Variants in CUL5 observed in about 807,000 individuals in gnomAD.
CUL5 encodes the protein cullin 5.
CUL5 carries 26 observed loss-of-function variants against 108.8 expected under a neutral mutation model. That is an observed-to-expected ratio of 0.24 (90% CI 0.18 to 0.33). The LOEUF is 0.33. Among genes scored for constraint, CUL5 ranks in the 10% least tolerant of loss-of-function variants. The probability of loss-of-function intolerance (pLI) is 1.00; values close to 1 mark genes in which losing one functional copy is unlikely to be tolerated. For synonymous variants in CUL5, 334 were observed against 298.0 expected (o/e 1.12, Z -1.25); for missense variants, 524 against 909.2 (o/e 0.58, Z 5.45).
intron 7 of CUL5, among the ~76,000 whole-genome samples, chr11:108,062,604 T>C (rs1863567169): frequency 6.6e-6 from 1 of 150,926 alleles, no homozygotes; most frequent in Non-Finnish European, 1.5e-5. Flanking sequence ...CATACATACA[T>C]GGTGTATGTA....
intron 1 of CUL5, among the ~76,000 whole-genome samples, chr11:108,021,978 CTATCTATCTG>C (rs1862337268): frequency 6.6e-6 from 1 of 152,064 alleles, no homozygotes; most frequent in South Asian, 2.1e-4. Flanking sequence ...CCATGCCCAT[CTATCTATCTG>C]TATCTATCTA....
chr11:108,098,567 A>T (rs763933138), intron 18 of CUL5, 38 bp downstream of exon 18: 1 of 1,415,698 alleles, frequency 7.1e-7, no homozygotes, highest in Middle Eastern at 1.9e-4. Flanking sequence ...GTTTAAAAAA[A>T]CTTTAGTTTT....
chr11:108,094,006 A>G (rs1864425379), intron 13 of CUL5, among the ~76,000 whole-genome samples: 1 of 152,240 alleles, frequency 6.6e-6, no homozygotes. Flanking sequence ...AGATTTTGAA[A>G]GAAGTATTGT....
At chr11:108,011,628 A>AT (rs1282039694) in intron 1 of CUL5, among the ~76,000 whole-genome samples, 3,558 of 145,698 alleles carry the variant, frequency 0.024, 143 homozygotes, top group African/African-American at 0.077. Flanking sequence ...TTTCTTTTTA[A>AT]TTTTTTTTTT....
At chr11:108,083,882 C>G (rs1286530416) in intron 11 of CUL5, among the ~76,000 whole-genome samples, 1 of 152,186 alleles carries the variant, frequency 6.6e-6, no homozygotes, top group Non-Finnish European at 1.5e-5. Context: ...TGTTCTAGAA[C>G]AAGCTTGTCC....
At chr11:108,049,808 A>T in intron 3 of CUL5, 82 bp from the exon 4 acceptor site, 4 of 1,066,878 alleles carry the variant, frequency 3.7e-6, no homozygotes, top group Non-Finnish European at 5.5e-6. Context: ...AATTATGTAC[A>T]ATTTAAATTT....
intron 10 of CUL5, among the ~76,000 whole-genome samples, chr11:108,076,399 T>C (rs1863941331): frequency 6.6e-6 from 1 of 152,204 alleles, no homozygotes; most frequent in South Asian, 2.1e-4. Flanking sequence ...TTCCATCTTG[T>C]GTGTCTGCTA....
chr11:108,060,667 T>C (rs1245683716), intron 7 of CUL5, among the ~76,000 whole-genome samples: 1 of 151,998 alleles, frequency 6.6e-6, no homozygotes, highest in Non-Finnish European at 1.5e-5. Context: ...AAAGCCCTGT[T>C]TCTACTAAAA....
At chr11:108,048,142 A>AT (rs1863112081) in intron 3 of CUL5, among the ~76,000 whole-genome samples, 1 of 149,832 alleles carries the variant, frequency 6.7e-6, no homozygotes, top group Non-Finnish European at 1.5e-5. Flanking sequence ...TTCATGAATC[A>AT]TTTTACTTAG....
chr11:108,023,458 C>T (rs148761181), intron 1 of CUL5, among the ~76,000 whole-genome samples: 27 of 151,824 alleles, frequency 1.8e-4, no homozygotes, highest in African/African-American at 5.8e-4. Flanking sequence ...TTTTTAAAAA[C>T]GAAAACAAAA....
At chr11:108,058,773 T>C (rs1863463908) in intron 7 of CUL5, among the ~76,000 whole-genome samples, 1 of 152,132 alleles carries the variant, frequency 6.6e-6, no homozygotes, top group South Asian at 2.1e-4. Context: ...TACAGTTTTA[T>C]TTTTACTTAT....
chr11:108,098,057 CGTTTTT>C (rs377067253), intron 17 of CUL5, among the ~76,000 whole-genome samples: 172 of 151,938 alleles, frequency 1.1e-3, no homozygotes, highest in African/African-American at 3.7e-3. Context: ...TGTTTTGTTT[CGTTTTT>C]GTTTTTGTTT....
At position 108,069,965 on chromosome 11, in the gene CUL5, G is replaced by C. The variant is rs114440904; in HGVS notation, c.781-131G>C. ...CATATCCATCTTCAATAATCCTATA[G>C]TTAAGGTAAGTGAAATCTACTTTCA... is the stretch of plus-strand genomic sequence containing the variant. On this transcript the variant is annotated intron_variant, in intron 7 of 18. Coordinates refer to ENST00000393094, the MANE Select transcript of CUL5 (RefSeq NM_003478.6). 1.6e-3 allele frequency: 833 copies of C among 534,196 alleles called. 8 individuals are homozygous for C. Among genetic ancestry groups the C allele is most frequent in the African/African-American group, 0.014 (753 of 53,354 alleles). The allele number at this position is 534,196 out of a possible 1,614,324, so 33.1% of individuals were successfully genotyped here. A position where few individuals can be genotyped will look rare whatever the true frequency, so the allele number is the denominator to read the frequency against.
chr11:108,047,315 C>CA (rs946813563), intron 3 of CUL5, among the ~76,000 whole-genome samples: 15 of 151,400 alleles, frequency 9.9e-5, no homozygotes, highest in Non-Finnish European at 1.9e-4. Context: ...GACCCTGTCT[C>CA]AAAAAAAGGC....
At chr11:108,092,159 G>A (rs958624823) in intron 13 of CUL5, among the ~76,000 whole-genome samples, 19 of 152,180 alleles carry the variant, frequency 1.2e-4, no homozygotes, top group African/African-American at 3.4e-4. Flanking sequence ...AACACAAAGA[G>A]ATACTACTTT....
intron 7 of CUL5, among the ~76,000 whole-genome samples, chr11:108,062,501 G>T (rs994901524): frequency 1.3e-5 from 2 of 148,944 alleles, no homozygotes; most frequent in African/African-American, 4.9e-5. Context: ...AAAAATTAAT[G>T]AATATTAATA....
intron 16 of CUL5, among the ~76,000 whole-genome samples, chr11:108,096,829 A>G (rs12421312): frequency 0.98 from 148,531 of 152,076 alleles, 72,611 homozygotes; most frequent in Middle Eastern, 1. Flanking sequence ...GCCTCCCAAA[A>G]TGCTGGGATT....
intron 2 of CUL5, among the ~76,000 whole-genome samples, chr11:108,037,101 C>T (rs189884593): frequency 2.0e-3 from 297 of 152,128 alleles, no homozygotes; most frequent in African/African-American, 6.6e-3. Context: ...TGGGCCTCTT[C>T]CCACCTGGAG....
chr11:108,099,934 C>T (rs1422622313), intron 18 of CUL5, among the ~76,000 whole-genome samples: 2 of 149,270 alleles, frequency 1.3e-5, no homozygotes, highest in South Asian at 2.1e-4. Flanking sequence ...TGGACTCAAG[C>T]GATCCTCCTT....
Sources: gnomAD v4.1 joint callset for allele counts (sites outside exome capture counted in the v4.1 genomes callset) on GRCh38, gnomAD v4.1.1 for gene constraint, MANE v1.5 for transcripts, NCBI Gene and HGNC (gene_info 2026-07-23, HGNC 2026-07-21) for gene names.